The following UMAD1 variants were observed in gnomAD, a reference collection of about 807,000 sequenced individuals.
UMAD1 encodes the protein UBAP1-MVB12-associated (UMA)-domain containing protein 1.
A neutral mutation model predicts 6.1 loss-of-function variants in UMAD1; 8 were observed. That is an observed-to-expected ratio of 1.30 (90% CI 0.76 to 2.35). The LOEUF (loss-of-function observed/expected upper bound fraction) is 2.35, where lower values mean the gene tolerates loss of function less well. Among genes scored for constraint, UMAD1 ranks in the 30% most tolerant of loss-of-function variants. UMAD1 has a pLI of 0.00. For missense variants in UMAD1, 130 were observed against 78.4 expected (o/e 1.66, Z -2.49); for synonymous variants, 56 against 31.4 (o/e 1.78, Z -2.61).
chr7:7,646,177 C>T (rs62451449), intron 1 of UMAD1, among the ~76,000 whole-genome samples: 10,450 of 152,210 alleles, frequency 0.069, 474 homozygotes, highest in Middle Eastern at 0.12. Flanking sequence ...TTCCCACACC[C>T]AGTGCATCCT....
chr7:7,812,760 C>T (rs1422985300), intron 3 of UMAD1, among the ~76,000 whole-genome samples: 1 of 150,600 alleles, frequency 6.6e-6, no homozygotes. Context: ...GGTGAGAGGT[C>T]CATGTTGGGA....
At chr7:7,658,654 A>T (rs758112090) in intron 1 of UMAD1, among the ~76,000 whole-genome samples, 10 of 152,306 alleles carry the variant, frequency 6.6e-5, no homozygotes, top group Admixed American at 3.9e-4. Flanking sequence ...CATCCCATTG[A>T]TGAAGCTGAT....
intron 2 of UMAD1, among the ~76,000 whole-genome samples, chr7:7,734,598 G>A (rs1781314260): frequency 6.6e-6 from 1 of 152,032 alleles, no homozygotes; most frequent in South Asian, 2.1e-4. Flanking sequence ...CTGTACATTT[G>A]AAGTTTCATC....
At chr7:7,835,765 T>TAAG (rs1783557663) in intron 3 of UMAD1, among the ~76,000 whole-genome samples, 3 of 151,978 alleles carry the variant, frequency 2.0e-5, no homozygotes, top group Admixed American at 6.6e-5. Context: ...TTACATCAGT[T>TAAG]ATCTTATTTT....
At chr7:7,666,296 T>G (rs553905019) in intron 1 of UMAD1, among the ~76,000 whole-genome samples, 1 of 152,098 alleles carries the variant, frequency 6.6e-6, no homozygotes, top group African/African-American at 2.4e-5. Context: ...CTCGACATCC[T>G]GGTCTCAAGC....
At chr7:7,802,553 A>G (rs371180645) in intron 3 of UMAD1, among the ~76,000 whole-genome samples, 1 of 152,242 alleles carries the variant, frequency 6.6e-6, no homozygotes, top group East Asian at 1.9e-4. Flanking sequence ...TTTGAAAACT[A>G]TATAGAAATA....
At chr7:7,862,096 T>G (rs1373038649) in intron 3 of UMAD1, among the ~76,000 whole-genome samples, 1 of 152,184 alleles carries the variant, frequency 6.6e-6, no homozygotes, top group East Asian at 1.9e-4. Context: ...AAATCCAACA[T>G]GCAGCTGGTA....
At chr7:7,801,542 A>G (rs954983866) in intron 2 of UMAD1, 128 bp from the exon 3 acceptor site, 3 of 593,176 alleles carry the variant, frequency 5.1e-6, no homozygotes, top group South Asian at 2.2e-5. Context: ...CTTTGAAACA[A>G]GGGAAATAGT....
intron 1 of UMAD1, among the ~76,000 whole-genome samples, chr7:7,669,795 A>G (rs1191147752): frequency 1.3e-5 from 2 of 152,136 alleles, no homozygotes; most frequent in Non-Finnish European, 2.9e-5. Flanking sequence ...AACTGTCTGA[A>G]ATTATCCAAA....
Position 7,836,832 on chromosome 7 carries a change from A to G in UMAD1, c.156+35089A>G, listed in dbSNP as rs142405787. 4.9e-3 allele frequency among the ~76,000 whole-genome samples: 749 copies of G among 152,078 alleles called. 5 individuals carry two copies. Among genetic ancestry groups the G allele is most frequent in the African/African-American group, 0.017 (694 of 41,546 alleles). On this transcript the variant is annotated intron_variant, in intron 3 of 3. Transcript: ENST00000682710. ...ACACAGAGAGACATAGAAATGCATA[A>G]TAGTAGCATGAAGGATATAATGAAG...
At chr7:7,746,981 G>C (rs868677844) in intron 2 of UMAD1, among the ~76,000 whole-genome samples, 44 of 139,478 alleles carry the variant, frequency 3.2e-4, no homozygotes, top group African/African-American at 8.2e-4. Context: ...GTGTGTGTGT[G>C]TGTGTGTCTG....
chr7:7,865,869 G>A (rs1290204432), intron 3 of UMAD1, among the ~76,000 whole-genome samples: 1 of 152,300 alleles, frequency 6.6e-6, no homozygotes, highest in South Asian at 2.1e-4. Context: ...GAGAAGATGG[G>A]TCTGTAGGAA....
intron 2 of UMAD1, among the ~76,000 whole-genome samples, chr7:7,679,711 A>AATATATAT (rs372324513): frequency 7.8e-5 from 10 of 128,434 alleles, no homozygotes; most frequent in African/African-American, 2.8e-4. Context: ...TTTATAGATA[A>AATATATAT]ATATATATAT....
intron 2 of UMAD1, among the ~76,000 whole-genome samples, chr7:7,767,806 C>G (rs1478160029): frequency 1.3e-5 from 2 of 152,180 alleles, no homozygotes; most frequent in African/African-American, 4.8e-5. Flanking sequence ...GGTTACAAAG[C>G]TAGTGAGAGG....
chr7:7,647,412 A>T (rs910458259), intron 1 of UMAD1, among the ~76,000 whole-genome samples: 2 of 152,232 alleles, frequency 1.3e-5, no homozygotes, highest in Non-Finnish European at 2.9e-5. Context: ...TATTAGGAAC[A>T]TGGACAATTT....
chr7:7,677,181 T>A (rs893520287), intron 2 of UMAD1, among the ~76,000 whole-genome samples: 9 of 152,198 alleles, frequency 5.9e-5, no homozygotes, highest in Non-Finnish European at 1.3e-4. Flanking sequence ...AGGCATATAA[T>A]GTGTAGTGAT....
Position 7,683,666 on chromosome 7 carries a change from A to G in UMAD1, c.82+10213A>G, listed in dbSNP as rs920707544. Among the ~76,000 whole-genome samples the G allele has an allele frequency of 5.9e-5, 9 of 151,516 alleles. No homozygotes were observed. The South Asian group carries it at 8.3e-4, about 14-fold the overall frequency. On this transcript the variant is annotated intron_variant, in intron 2 of 3. Coordinates refer to ENST00000682710, the MANE Select transcript of UMAD1 (RefSeq NM_001302348.2). ...GACGGAGTTTTTGCTCTTGTTGCCC[A>G]GGCTGGAGTGCAGTGGCATGGTCTC...
chr7:7,849,717 A>C (rs1303888575), intron 3 of UMAD1, among the ~76,000 whole-genome samples: 1 of 152,206 alleles, frequency 6.6e-6, no homozygotes, highest in Non-Finnish European at 1.5e-5. Flanking sequence ...TAAAATAAAA[A>C]TAGGCAAACA....
chr7:7,789,236 G>C (rs992627389), intron 2 of UMAD1, among the ~76,000 whole-genome samples: 1 of 152,028 alleles, frequency 6.6e-6, no homozygotes, highest in Non-Finnish European at 1.5e-5. Context: ...AGGTAGTAAG[G>C]CTTTTTATTG....
Sources: allele counts gnomAD v4.1 joint callset (sites outside exome capture counted in the v4.1 genomes callset), GRCh38; gene constraint gnomAD v4.1.1; transcripts MANE v1.5; gene names NCBI Gene and HGNC (gene_info 2026-07-23, HGNC 2026-07-21).